Variants in PID1 observed in about 807,000 individuals in gnomAD.
PID1 encodes phosphotyrosine interaction domain containing 1.
A neutral mutation model predicts 19.1 loss-of-function variants in PID1; 10 were observed. The observed-to-expected ratio is 0.52, with a 90% confidence interval of 0.32 to 0.89. The LOEUF is 0.89. Ranked by LOEUF, PID1 falls within the 40% of genes least tolerant of loss-of-function variation. PID1 has a pLI of 0.03. For missense variants in PID1, 248 were observed against 285.3 expected (o/e 0.87, Z 0.94); for synonymous variants, 130 against 116.0 (o/e 1.12, Z -0.78).
At chr2:229,267,882 C>G (rs1290514049) in intron 1 of PID1, among the ~76,000 whole-genome samples, 6 of 151,754 alleles carry the variant, frequency 4.0e-5, no homozygotes, top group African/African-American at 1.5e-4. Context: ...GAGTCTGTTT[C>G]AAATCTGCTT....
chr2:229,097,999 A>G (rs1454794968), intron 2 of PID1, among the ~76,000 whole-genome samples: 1 of 152,174 alleles, frequency 6.6e-6, no homozygotes, highest in Non-Finnish European at 1.5e-5. Context: ...AGGTCTCTTA[A>G]CACAGGCATG....
rs187005423 is a variant in PID1, at chr2:229,045,719, G to A, written c.178-19611C>T. 4.6e-5 allele frequency among the ~76,000 whole-genome samples: 7 copies of A among 152,326 alleles called. No individual in the cohort carries two copies. The South Asian group carries it at 6.2e-4, about 14-fold the overall frequency. On this transcript the variant is annotated intron_variant, in intron 2 of 2. Coordinates refer to ENST00000392055, the MANE Select transcript of PID1 (RefSeq NM_001100818.2). ...GAAACCTTTCTTTTGTGAACACACCGATGAATTTCAGGAGACTTCAATCAA... is the reference window on the plus strand; with the variant it reads ...GAAACCTTTCTTTTGTGAACACACCAATGAATTTCAGGAGACTTCAATCAA...
At chr2:229,118,974 G>T (rs1173804045) in intron 2 of PID1, among the ~76,000 whole-genome samples, 4 of 152,148 alleles carry the variant, frequency 2.6e-5, no homozygotes, top group Non-Finnish European at 4.4e-5. Context: ...AATTCCAACT[G>T]GGGCAGGCTA....
chr2:229,063,993 C>A (rs546293508), intron 2 of PID1, among the ~76,000 whole-genome samples: 1 of 151,950 alleles, frequency 6.6e-6, no homozygotes, highest in Admixed American at 6.6e-5. Context: ...AGAGAATCAT[C>A]CTAGGGGAAA....
chr2:229,123,858 G>A (rs1196538629), intron 2 of PID1, among the ~76,000 whole-genome samples: 2 of 152,148 alleles, frequency 1.3e-5, no homozygotes, highest in East Asian at 3.9e-4. Context: ...TTATTAGTTG[G>A]TTCTTTTTTT....
At chr2:229,182,967 T>C (rs1690978975) in intron 1 of PID1, among the ~76,000 whole-genome samples, 1 of 152,232 alleles carries the variant, frequency 6.6e-6, no homozygotes, top group African/African-American at 2.4e-5. Context: ...CTGAGGGCTT[T>C]GCTTCCCGCT....
chr2:229,192,570 C>G (rs976842440), intron 1 of PID1, among the ~76,000 whole-genome samples: 2 of 152,112 alleles, frequency 1.3e-5, no homozygotes, highest in Non-Finnish European at 2.9e-5. Context: ...ATCATAGACA[C>G]CCAATAATCA....
intron 2 of PID1, among the ~76,000 whole-genome samples, chr2:229,110,729 G>T (rs952515095): frequency 2.0e-5 from 3 of 152,138 alleles, no homozygotes; most frequent in Non-Finnish European, 4.4e-5. Context: ...CTGTCACAAT[G>T]CAGTTATTGT....
At chr2:229,140,731 T>C (rs7565701) in intron 2 of PID1, among the ~76,000 whole-genome samples, 2,749 of 152,272 alleles carry the variant, frequency 0.018, 84 homozygotes, top group African/African-American at 0.063. Flanking sequence ...TACAATATTG[T>C]TTATTCCTAA....
At chr2:229,153,305 G>A (rs1690294895) in intron 2 of PID1, among the ~76,000 whole-genome samples, 1 of 152,188 alleles carries the variant, frequency 6.6e-6, no homozygotes, top group Admixed American at 6.5e-5. Flanking sequence ...TCTTCCTTCA[G>A]ATAGAATAAT....
At chr2:229,245,332 C>T (rs989231829) in intron 1 of PID1, among the ~76,000 whole-genome samples, 10 of 152,090 alleles carry the variant, frequency 6.6e-5, no homozygotes, top group African/African-American at 2.4e-4. Flanking sequence ...GTAAAAGATG[C>T]AGTGGTGGAT....
At chr2:229,053,137 G>A (rs1329235255) in intron 2 of PID1, among the ~76,000 whole-genome samples, 1 of 152,120 alleles carries the variant, frequency 6.6e-6, no homozygotes, top group Non-Finnish European at 1.5e-5. Flanking sequence ...AAATATATGT[G>A]AGGCATATAA....
chr2:229,048,610 G>C (rs1477873795), intron 2 of PID1, among the ~76,000 whole-genome samples: 1 of 152,178 alleles, frequency 6.6e-6, no homozygotes, highest in East Asian at 1.9e-4. Context: ...AATTCCATCA[G>C]CTCCATGTAG....
chr2:229,121,089 T>C (rs987736784), intron 2 of PID1, among the ~76,000 whole-genome samples: 1 of 152,230 alleles, frequency 6.6e-6, no homozygotes, highest in Non-Finnish European at 1.5e-5. Flanking sequence ...GTCTCTGGTA[T>C]TATGTTACAG....
chr2:229,231,646 T>C (rs1692211774), intron 1 of PID1, among the ~76,000 whole-genome samples: 1 of 152,114 alleles, frequency 6.6e-6, no homozygotes, highest in African/African-American at 2.4e-5. Flanking sequence ...CAAATGTGTG[T>C]GGCTTTGGAG....
At chr2:229,162,618 CAGATTAATGGAA>C (rs1690513160) in intron 1 of PID1, among the ~76,000 whole-genome samples, 2 of 152,132 alleles carry the variant, frequency 1.3e-5, no homozygotes, top group Admixed American at 6.6e-5. Flanking sequence ...TTGGGTGAAT[CAGATTAATGGAA>C]AACTTCAGTC....
intron 1 of PID1, among the ~76,000 whole-genome samples, chr2:229,216,688 T>C (rs1034755138): frequency 1.3e-5 from 2 of 152,112 alleles, no homozygotes; most frequent in African/African-American, 4.8e-5. Flanking sequence ...GCTTCTCATA[T>C]GAGGAGGAAA....
chr2:229,108,890 T>C (rs1041626561), intron 2 of PID1, among the ~76,000 whole-genome samples: 17 of 152,074 alleles, frequency 1.1e-4, no homozygotes. Flanking sequence ...AATAATAGAG[T>C]AATGAGGCTG....
At chr2:229,227,492 C>A (rs1274354178) in intron 1 of PID1, among the ~76,000 whole-genome samples, 1 of 152,180 alleles carries the variant, frequency 6.6e-6, no homozygotes, top group Admixed American at 6.5e-5. Context: ...ACAGACCTTT[C>A]AGGGGTAGCA....
Sources: allele counts gnomAD v4.1 joint callset (sites outside exome capture counted in the v4.1 genomes callset), GRCh38; gene constraint gnomAD v4.1.1; transcripts MANE v1.5; gene names NCBI Gene and HGNC (gene_info 2026-07-23, HGNC 2026-07-21).